Variants in GRIK1 observed in about 807,000 individuals in gnomAD.
The protein encoded by GRIK1 is glutamate ionotropic receptor kainate type subunit 1, also known as glutamate receptor ionotropic, kainate 1.
In GRIK1, 69 loss-of-function variants were observed where a neutral mutation model predicts 105.7. That is an observed-to-expected ratio of 0.65 (90% CI 0.54 to 0.80). The LOEUF (loss-of-function observed/expected upper bound fraction) is 0.80. GRIK1 is among the 30% of genes least tolerant of loss of function. The pLI is 0.00. For missense variants in GRIK1, 1,109 were observed against 1,167.3 expected (o/e 0.95, Z 0.73); for synonymous variants, 438 against 431.3 (o/e 1.02, Z -0.19).
chr21:29,555,176 C>T lies in GRIK1; in HGVS notation c.2483G>A (p.Ser828Asn). ...GCPEEDNKEA[S>N]ALGVENIGGI... The stretch of plus-strand genomic sequence containing the variant: ...TCCAATATTTTCCACTCCCAGGGCA[C>T]TGGCTTCTTTGTTGTCTTCCTCGGG... Residue 828 changes from serine to asparagine, a missense_variant, in exon 16 of 18, where the codon AGT becomes AAT. Ser to Asn is a conservative substitution (Grantham distance 46). Transcript: ENST00000327783. The T allele has an allele frequency of 6.2e-7, 1 of 1,614,032 alleles. No homozygotes were observed. Among genetic ancestry groups the T allele is most frequent in the Non-Finnish European group, 8.5e-7 (1 of 1,179,938 alleles).
chr21:29,934,877 T>C (rs1441788551), intron 1 of GRIK1, among the ~76,000 whole-genome samples: 1 of 151,940 alleles, frequency 6.6e-6, no homozygotes, highest in Non-Finnish European at 1.5e-5. Flanking sequence ...CAGGTAAAAT[T>C]GTTAAGGGAA....
rs372721100 is a variant in GRIK1 at position 29,537,169 on chromosome 21, T to C, written c.*61A>G. The stretch of plus-strand genomic sequence containing the variant: ...AAACACATCACACACTCCTCAGAAA[T>C]CCTTTCTCCAAAAATCTGTAGGGAA... On this transcript the variant is annotated 3_prime_UTR_variant, in exon 18 of 18. Transcript: ENST00000327783. 18 of 1,220,564 alleles carry C rather than the reference T, an allele frequency of 1.5e-5. No individual in the cohort carries two copies. Among genetic ancestry groups the C allele is most frequent in the East Asian group, 4.8e-5 (2 of 41,486 alleles). 75.6% of individuals were successfully genotyped at this position (1,220,564 alleles called of 1,614,324 possible).
intron 1 of GRIK1, among the ~76,000 whole-genome samples, chr21:29,885,274 C>T (rs1458938311): frequency 1.3e-5 from 2 of 152,030 alleles, no homozygotes; most frequent in Non-Finnish European, 2.9e-5. Context: ...TAGTCTTCAA[C>T]TTCTTCTTCT....
intron 1 of GRIK1, among the ~76,000 whole-genome samples, chr21:29,704,481 G>C (rs2063867130): frequency 1.3e-5 from 2 of 152,148 alleles, no homozygotes; most frequent in Non-Finnish European, 2.9e-5. Context: ...CCTGTTCCTT[G>C]AAGATCAGGA....
chr21:29,790,599 G>C (rs753410061), intron 1 of GRIK1, among the ~76,000 whole-genome samples: 2 of 151,974 alleles, frequency 1.3e-5, no homozygotes, highest in Non-Finnish European at 2.9e-5. Flanking sequence ...GGGGCTACAG[G>C]CGTGCACCAC....
chr21:29,684,593 C>T (rs556109795), intron 3 of GRIK1, among the ~76,000 whole-genome samples: 16 of 152,074 alleles, frequency 1.1e-4, no homozygotes, highest in East Asian at 9.7e-4. Flanking sequence ...CTGCAAGCTC[C>T]GCCTCCTGGG....
At chr21:29,897,222 C>G (rs2070202893) in intron 1 of GRIK1, among the ~76,000 whole-genome samples, 1 of 152,042 alleles carries the variant, frequency 6.6e-6, no homozygotes, top group Non-Finnish European at 1.5e-5. Context: ...TGTGTCAAAA[C>G]CAAGCTTAGC....
At chr21:29,763,838 AAATT>A (rs2065590320) in intron 1 of GRIK1, 1 of 152,244 alleles carries the variant, frequency 6.6e-6, no homozygotes, top group East Asian at 1.9e-4. Context: ...AATTTGATTT[AAATT>A]TAGTTCCTGG....
intron 16 of GRIK1, among the ~76,000 whole-genome samples, chr21:29,550,578 A>G (rs752264260): frequency 6.6e-6 from 1 of 152,234 alleles, no homozygotes; most frequent in Non-Finnish European, 1.5e-5. Flanking sequence ...AGCTTCTACT[A>G]TAGATCTTCA....
intron 1 of GRIK1, among the ~76,000 whole-genome samples, chr21:29,869,780 C>A (rs185938778): frequency 4.1e-4 from 63 of 152,222 alleles, no homozygotes; most frequent in African/African-American, 1.5e-3. Context: ...AAAACATAAA[C>A]AAACATTAAA....
At chr21:29,584,830 A>G (rs973443135) in intron 12 of GRIK1, among the ~76,000 whole-genome samples, 1 of 152,212 alleles carries the variant, frequency 6.6e-6, no homozygotes, top group Non-Finnish European at 1.5e-5. Flanking sequence ...CATGGTCTCA[A>G]ACTATGATGG....
At chr21:29,869,656 A>G (rs1244376159) in intron 1 of GRIK1, among the ~76,000 whole-genome samples, 2 of 152,204 alleles carry the variant, frequency 1.3e-5, no homozygotes, top group African/African-American at 2.4e-5. Context: ...AGCGTATAGC[A>G]CTCTTAAGTG....
chr21:29,844,956 C>T (rs1471147866), intron 1 of GRIK1, among the ~76,000 whole-genome samples: 1 of 152,086 alleles, frequency 6.6e-6, no homozygotes, highest in African/African-American at 2.4e-5. Context: ...CTTTTTCTTG[C>T]TTTCAAAATT....
intron 1 of GRIK1, among the ~76,000 whole-genome samples, chr21:29,828,850 G>A (rs1449236553): frequency 6.6e-6 from 1 of 152,034 alleles, no homozygotes; most frequent in Non-Finnish European, 1.5e-5. Flanking sequence ...TCAAATATTA[G>A]CCCCATTTAC....
chr21:29,738,723 C>T (rs2064856033), intron 1 of GRIK1, among the ~76,000 whole-genome samples: 1 of 152,108 alleles, frequency 6.6e-6, no homozygotes, highest in Non-Finnish European at 1.5e-5. Flanking sequence ...ATGCATCTAT[C>T]TATCTTGAAT....
At chr21:29,560,582 T>TCTCTCTCTC (rs1568815992) in intron 15 of GRIK1, among the ~76,000 whole-genome samples, 2 of 116,490 alleles carry the variant, frequency 1.7e-5, no homozygotes, top group African/African-American at 3.7e-5. Context: ...CTTTCTCTCT[T>TCTCTCTCTC]TCTTTCTTTC....
intron 4 of GRIK1, among the ~76,000 whole-genome samples, chr21:29,663,174 T>C (rs2062998859): frequency 2.0e-5 from 3 of 152,248 alleles, no homozygotes; most frequent in Admixed American, 2.0e-4. Flanking sequence ...CTTAGGACTT[T>C]ATTAATTTCT....
chr21:29,932,989 C>G (rs1386954009), intron 1 of GRIK1, among the ~76,000 whole-genome samples: 1 of 149,658 alleles, frequency 6.7e-6, no homozygotes, highest in Non-Finnish European at 1.5e-5. Context: ...AAATGGTAAA[C>G]CTTTAGAATA....
intron 7 of GRIK1, among the ~76,000 whole-genome samples, chr21:29,640,076 A>T (rs575658527): frequency 6.6e-6 from 1 of 151,862 alleles, no homozygotes; most frequent in East Asian, 1.9e-4. Flanking sequence ...TCTTCACCCC[A>T]TAAATTCAAT....
Sources: allele counts gnomAD v4.1 joint callset (sites outside exome capture counted in the v4.1 genomes callset), GRCh38; gene constraint gnomAD v4.1.1; transcripts MANE v1.5; gene names NCBI Gene and HGNC (gene_info 2026-07-23, HGNC 2026-07-21).